Variants in DNAH8 observed in about 807,000 individuals in gnomAD.
DNAH8 encodes dynein axonemal heavy chain 8.
DNAH8 carries 382 observed loss-of-function variants against 562.1 expected under a neutral mutation model. The ratio of observed to expected loss-of-function variants is 0.68; its 90% CI spans 0.63 to 0.74. The LOEUF (loss-of-function observed/expected upper bound fraction) is 0.74, where lower values mean the gene tolerates loss of function less well. DNAH8 is among the 30% of genes least tolerant of loss of function. DNAH8 has a pLI of 0.00. For missense variants in DNAH8, 5,203 were observed against 5,620.4 expected (o/e 0.93, Z 2.37); for synonymous variants, 1,881 against 1,919.4 (o/e 0.98, Z 0.52).
chr6:38,957,884 A>AC (rs1160455072), intron 82 of DNAH8, among the ~76,000 whole-genome samples: 2 of 151,500 alleles, frequency 1.3e-5, no homozygotes, highest in African/African-American at 4.8e-5. Context: ...AAAAAAAAAA[A>AC]AAACAAGATC....
chr6:38,774,630 C>A (rs140423825), intron 12 of DNAH8, among the ~76,000 whole-genome samples: 1 of 152,184 alleles, frequency 6.6e-6, no homozygotes, highest in East Asian at 1.9e-4. Flanking sequence ...ATGTTAGTGA[C>A]AGGAATTTTG....
chr6:38,896,436 G>A (rs180859617), intron 60 of DNAH8, among the ~76,000 whole-genome samples: 16 of 151,964 alleles, frequency 1.1e-4, no homozygotes, highest in Non-Finnish European at 1.6e-4. Flanking sequence ...TTAGTCGGGT[G>A]TGGTGGCATG....
Position 38,928,956 on chromosome 6 carries a change from CA to C in DNAH8, c.11119-554del, listed in dbSNP as rs544309115. ...AATTGCAGTTTTAAAAAAATGTAAGCATATATAAAGTGAATGTCTAGTCTTT... is the reference window on the plus strand; with the variant it reads ...AATTGCAGTTTTAAAAAAATGTAAGCTATATAAAGTGAATGTCTAGTCTTT... On this transcript the variant is annotated intron_variant, in intron 74 of 92. Transcript: ENST00000327475. Among the ~76,000 whole-genome samples the C allele has an allele frequency of 1.4e-3, 214 of 152,272 alleles. 1 individual carries two copies. The highest frequency in any genetic ancestry group is 3.9e-3 in the Admixed American group (59 of 15,286).
chr6:38,749,894 C>T (rs757272733), intron 8 of DNAH8, among the ~76,000 whole-genome samples: 29 of 152,144 alleles, frequency 1.9e-4, no homozygotes, highest in Non-Finnish European at 3.8e-4. Flanking sequence ...TGCAGTGGCG[C>T]GATCTCTGGC....
rs745753828 is a variant in DNAH8, at chr6:38,775,785, A to G, written c.1796A>G (p.Tyr599Cys). The change falls in exon 13 of 93, where the codon TAT becomes TGT. Residue 599 changes from tyrosine to cysteine, a missense_variant. Tyr to Cys is a radical substitution (Grantham distance 194, BLOSUM62 -2). Coordinates refer to ENST00000327475, the MANE Select transcript of DNAH8 (RefSeq NM_001206927.2). ...ITEMITVVQT[Y>C]STLSNSTIEG... The stretch of plus-strand genomic sequence containing the variant: ...GAAATGATAACTGTTGTGCAAACAT[A>G]TTCAACCTTGAGTAATTCTACCATA... 8 of 1,598,280 alleles carry G rather than the reference A, an allele frequency of 5.0e-6. No homozygotes were observed. The South Asian group carries it at 7.7e-5, about 15-fold the overall frequency.
intron 91 of DNAH8, among the ~76,000 whole-genome samples, chr6:39,026,342 A>G (rs1423670384): frequency 6.6e-6 from 1 of 152,232 alleles, no homozygotes; most frequent in Non-Finnish European, 1.5e-5. Flanking sequence ...TGCTGTCAGC[A>G]GGCGAGAAAG....
chr6:38,901,534 C>A (rs1340919396), intron 62 of DNAH8, among the ~76,000 whole-genome samples: 2 of 152,232 alleles, frequency 1.3e-5, no homozygotes, highest in Middle Eastern at 3.4e-3. Context: ...GTTTCCTTAT[C>A]TATCTTTGTA....
chr6:38,863,215 TGAGGTCGG>T (rs976956499), intron 44 of DNAH8, among the ~76,000 whole-genome samples: 12 of 101,446 alleles, frequency 1.2e-4, no homozygotes, highest in Non-Finnish European at 2.7e-4. Flanking sequence ...AGGCGGATCA[TGAGGTCGG>T]GAGTTCAACC....
At chr6:38,765,332 T>G (rs1190745411) in intron 11 of DNAH8, among the ~76,000 whole-genome samples, 11 of 152,128 alleles carry the variant, frequency 7.2e-5, no homozygotes, top group Non-Finnish European at 1.6e-4. Flanking sequence ...TTTGTTTTTT[T>G]TGTTTTTGTT....
intron 82 of DNAH8, among the ~76,000 whole-genome samples, chr6:38,969,846 G>A (rs916108233): frequency 1.3e-5 from 2 of 152,094 alleles, no homozygotes; most frequent in African/African-American, 4.8e-5. Context: ...ATGGTTCTGA[G>A]CAGAGGATGA....
At chr6:38,938,250 A>G in intron 78 of DNAH8, 24 bp downstream of exon 78, 1 of 1,583,210 alleles carries the variant, frequency 6.3e-7, no homozygotes. Flanking sequence ...ACCTTCATCC[A>G]AAAGTGGTGA....
At chr6:38,837,101 C>T (rs1193499266) in intron 32 of DNAH8, among the ~76,000 whole-genome samples, 1 of 152,138 alleles carries the variant, frequency 6.6e-6, no homozygotes, top group Admixed American at 6.5e-5. Flanking sequence ...CCAAGGAATA[C>T]ACAAAGTACA....
At chr6:38,864,775 C>T (rs772215808) in intron 45 of DNAH8, among the ~76,000 whole-genome samples, 1 of 152,168 alleles carries the variant, frequency 6.6e-6, no homozygotes, top group Non-Finnish European at 1.5e-5. Context: ...TACACTGTAT[C>T]TTATAGCTAT....
rs767398207 is a variant in DNAH8, at chr6:38,926,080, T to C, written c.10988T>C (p.Leu3663Ser). ...ATTGGTGAGTGGGGGCTACAGGGATTACCAGGAGATGATCTCTCAATTCAG... is the reference window on the plus strand; with the variant it reads ...ATTGGTGAGTGGGGGCTACAGGGATCACCAGGAGATGATCTCTCAATTCAG... ...PTIGEWGLQG[L>S]PGDDLSIQNG... Residue 3663 changes from leucine to serine, a missense_variant, in exon 74 of 93, where the codon TTA becomes TCA. Leu to Ser is a moderately radical substitution (Grantham distance 145). Coordinates refer to ENST00000327475, the MANE Select transcript of DNAH8 (RefSeq NM_001206927.2). 1 of 1,613,722 alleles carries C rather than the reference T, an allele frequency of 6.2e-7. No homozygotes were observed. Among genetic ancestry groups the C allele is most frequent in the Non-Finnish European group, 8.5e-7 (1 of 1,179,742 alleles).
intron 21 of DNAH8, among the ~76,000 whole-genome samples, chr6:38,801,620 C>A (rs1247636119): frequency 6.6e-6 from 1 of 152,206 alleles, no homozygotes; most frequent in Non-Finnish European, 1.5e-5. Context: ...GCCTCCGTTA[C>A]CATTCCAGTG....
chr6:38,815,383 A>G (rs1036004913), intron 25 of DNAH8, 85 bp from the exon 26 acceptor site: 1 of 1,114,834 alleles, frequency 9.0e-7, no homozygotes, highest in African/African-American at 1.5e-5. Flanking sequence ...GGCTTGCCCC[A>G]CTCAGTGGGG....
intron 21 of DNAH8, among the ~76,000 whole-genome samples, chr6:38,792,522 C>T (rs2127659010): frequency 6.6e-6 from 1 of 152,246 alleles, no homozygotes; most frequent in South Asian, 2.1e-4. Context: ...CCATGTTTAC[C>T]CTGACACATC....
intron 21 of DNAH8, among the ~76,000 whole-genome samples, chr6:38,794,088 A>G (rs969674842): frequency 3.9e-5 from 6 of 152,214 alleles, no homozygotes; most frequent in Non-Finnish European, 8.8e-5. Flanking sequence ...TAGATTGTAT[A>G]AACTCAAGCC....
rs569817887 is a variant in DNAH8, at chr6:38,738,659, G to A, written c.1116+687G>A. Among the ~76,000 whole-genome samples, 43 of 152,228 alleles carry A rather than the reference G, an allele frequency of 2.8e-4. No individual in the cohort carries two copies. The East Asian group carries it at 7.7e-3, about 27-fold the overall frequency. ...AAATCTTCAGTTATGTGAGGATCAA[G>A]GGGAAAAAATCTTGACCAGGCAGGA... is the stretch of plus-strand genomic sequence containing the variant. On this transcript the variant is annotated intron_variant, in intron 7 of 92. Transcript: ENST00000327475.
Sources: gnomAD v4.1 joint callset for allele counts (sites outside exome capture counted in the v4.1 genomes callset) on GRCh38, gnomAD v4.1.1 for gene constraint, MANE v1.5 for transcripts, NCBI Gene and HGNC (gene_info 2026-07-23, HGNC 2026-07-21) for gene names.